Variants in FRMD4A observed in about 807,000 individuals in gnomAD.
The protein encoded by FRMD4A is FERM domain-containing protein 4A.
Under a neutral mutation model 129.1 loss-of-function variants are expected in FRMD4A, and 29 were observed. That is an observed-to-expected ratio of 0.22 (90% CI 0.17 to 0.31). FRMD4A has a LOEUF of 0.31. Among genes scored for constraint, FRMD4A ranks in the 10% least tolerant of loss-of-function variants. FRMD4A has a pLI of 1.00. For synonymous variants in FRMD4A, 634 were observed against 571.6 expected, an observed-to-expected ratio of 1.11 and a Z score of -1.56; for missense variants, 1,272 against 1,375.8, an observed-to-expected ratio of 0.92 and a Z score of 1.19.
At chr10:14,220,454 C>T (rs1396713496) in intron 2 of FRMD4A, among the ~76,000 whole-genome samples, 5 of 152,190 alleles carry the variant, frequency 3.3e-5, no homozygotes, top group Admixed American at 3.3e-4. Context: ...TAGTCAATCC[C>T]CTCCATGCCC....
Position 13,898,474 on chromosome 10 carries a change from A to G in FRMD4A, c.46-39562T>C, listed in dbSNP as rs142672517. On this transcript the variant is annotated intron_variant, in intron 2 of 24. Transcript: ENST00000357447. ...ATGCAAATTCTTGCCATCCCAATGAATGAGGATGTAGTCAAATTTAATTGG... is the reference window on the plus strand; with the variant it reads ...ATGCAAATTCTTGCCATCCCAATGAGTGAGGATGTAGTCAAATTTAATTGG... Among the ~76,000 whole-genome samples the G allele has an allele frequency of 3.0e-3, 452 of 152,320 alleles. 1 individual carries two copies. Among genetic ancestry groups the G allele is most frequent in the Non-Finnish European group, 4.5e-3 (303 of 68,022 alleles).
At chr10:13,869,668 G>A (rs980751135) in intron 2 of FRMD4A, among the ~76,000 whole-genome samples, 2 of 152,214 alleles carry the variant, frequency 1.3e-5, no homozygotes, top group Admixed American at 1.3e-4. Flanking sequence ...CTCCTGGGGG[G>A]CAGCAGCGCT....
intron 2 of FRMD4A, among the ~76,000 whole-genome samples, chr10:13,964,582 G>C (rs2095471777): frequency 6.6e-6 from 1 of 152,096 alleles, no homozygotes; most frequent in Non-Finnish European, 1.5e-5. Flanking sequence ...CCAAGTCTCT[G>C]GGATGATTCC....
At chr10:14,219,015 C>T (rs1474356345) in intron 2 of FRMD4A, among the ~76,000 whole-genome samples, 2 of 133,658 alleles carry the variant, frequency 1.5e-5, no homozygotes, top group Non-Finnish European at 1.5e-5. Context: ...TAGCTATACA[C>T]TTGGTAATCA....
intron 5 of FRMD4A, among the ~76,000 whole-genome samples, chr10:13,794,014 C>T (rs917376579): frequency 3.3e-5 from 5 of 152,048 alleles, no homozygotes; most frequent in Non-Finnish European, 5.9e-5. Context: ...TGAGCCCCAC[C>T]CCACCCTTGG....
chr10:13,815,855 C>T (rs140224240), intron 3 of FRMD4A, among the ~76,000 whole-genome samples: 2 of 152,318 alleles, frequency 1.3e-5, no homozygotes, highest in East Asian at 3.9e-4. Context: ...TGGCTTAACA[C>T]ACTGAAGAAT....
At chr10:14,089,259 G>A (rs972067256) in intron 2 of FRMD4A, among the ~76,000 whole-genome samples, 1 of 152,176 alleles carries the variant, frequency 6.6e-6, no homozygotes, top group African/African-American at 2.4e-5. Context: ...TTGAGTTTCC[G>A]TGGGGAGAGA....
intron 9 of FRMD4A, among the ~76,000 whole-genome samples, chr10:13,741,558 G>A (rs1364949570): frequency 6.6e-6 from 1 of 152,170 alleles, no homozygotes; most frequent in South Asian, 2.1e-4. Flanking sequence ...CAGAGATGAC[G>A]CATGAATGCC....
At chr10:13,684,454 T>C in intron 15 of FRMD4A, 1 of 985,288 alleles carries the variant, frequency 1.0e-6, no homozygotes. Flanking sequence ...GCCGGGGAAC[T>C]CCAGACTCCA....
chr10:13,890,822 G>A (rs970482931), intron 2 of FRMD4A: 25 of 985,206 alleles, frequency 2.5e-5, no homozygotes, highest in Non-Finnish European at 2.9e-5. Context: ...CGTTCAGAAT[G>A]AGGATGTCTA....
chr10:14,113,141 T>C (rs1838012495), intron 2 of FRMD4A, among the ~76,000 whole-genome samples: 1 of 152,206 alleles, frequency 6.6e-6, no homozygotes. Context: ...TTTGTCATCA[T>C]TATTATTGTA....
At chr10:13,965,389 C>T (rs997288542) in intron 2 of FRMD4A, among the ~76,000 whole-genome samples, 3 of 152,210 alleles carry the variant, frequency 2.0e-5, no homozygotes, top group East Asian at 3.8e-4. Flanking sequence ...ATCTCCCAAT[C>T]CTCAGACTGA....
intron 2 of FRMD4A, among the ~76,000 whole-genome samples, chr10:14,108,821 A>T (rs17154654): frequency 6.6e-6 from 1 of 152,014 alleles, no homozygotes; most frequent in Non-Finnish European, 1.5e-5. Flanking sequence ...GAAGAAAATT[A>T]CTCCATAGAA....
At chr10:14,149,826 G>T (rs1257836160) in intron 2 of FRMD4A, among the ~76,000 whole-genome samples, 1 of 152,162 alleles carries the variant, frequency 6.6e-6, no homozygotes, top group Non-Finnish European at 1.5e-5. Flanking sequence ...ACCTCATCCC[G>T]GCCAGCTCTC....
At chr10:13,765,621 G>A (rs377610233) in intron 6 of FRMD4A, among the ~76,000 whole-genome samples, 4 of 152,172 alleles carry the variant, frequency 2.6e-5, no homozygotes, top group African/African-American at 9.7e-5. Context: ...AGAGCCTACG[G>A]AAGAATTGGG....
At chr10:13,789,963 C>T (rs1048002396) in intron 5 of FRMD4A, among the ~76,000 whole-genome samples, 7 of 151,884 alleles carry the variant, frequency 4.6e-5, no homozygotes, top group Non-Finnish European at 7.4e-5. Context: ...TGCTCAGTGT[C>T]TTCATATAGG....
chr10:14,182,273 C>A (rs1564368939), intron 2 of FRMD4A, among the ~76,000 whole-genome samples: 1 of 152,152 alleles, frequency 6.6e-6, no homozygotes, highest in Non-Finnish European at 1.5e-5. Flanking sequence ...GGTGCAGTAG[C>A]ACATGCCTGG....
At chr10:14,305,533 G>A (rs945423730) in intron 2 of FRMD4A, among the ~76,000 whole-genome samples, 1 of 151,914 alleles carries the variant, frequency 6.6e-6, no homozygotes, top group East Asian at 1.9e-4. Context: ...TAATATACTC[G>A]CTAATCAAGG....
At chr10:14,308,457 G>T (rs920908122) in intron 2 of FRMD4A, among the ~76,000 whole-genome samples, 5 of 151,616 alleles carry the variant, frequency 3.3e-5, no homozygotes, top group African/African-American at 1.2e-4. Flanking sequence ...GATTTTTCTT[G>T]TTCTGTTTCC....
Sources: allele counts gnomAD v4.1 joint callset (sites outside exome capture counted in the v4.1 genomes callset), GRCh38; gene constraint gnomAD v4.1.1; transcripts MANE v1.5; gene names NCBI Gene and HGNC (gene_info 2026-07-23, HGNC 2026-07-21).